Variants in FAM178B observed in about 807,000 individuals in gnomAD.
FAM178B encodes the protein family with sequence similarity 178 member B, also known as protein FAM178B.
In FAM178B, 82 loss-of-function variants were observed where a neutral mutation model predicts 91.7. That is an observed-to-expected ratio of 0.89 (90% confidence interval 0.75 to 1.07). The LOEUF (loss-of-function observed/expected upper bound fraction) is 1.07, where lower values mean the gene tolerates loss of function less well. Ranked by LOEUF, FAM178B falls within the 50% of genes least tolerant of loss-of-function variation. The pLI is 0.00. For missense variants in FAM178B, 769 were observed against 846.7 expected, an observed-to-expected ratio of 0.91 and a Z score of 1.14; for synonymous variants, 368 against 359.4, an observed-to-expected ratio of 1.02 and a Z score of -0.27.
chr2:96,903,294 C>A (rs1370123675), intron 12 of FAM178B, among the ~76,000 whole-genome samples: 1 of 152,244 alleles, frequency 6.6e-6, no homozygotes, highest in Non-Finnish European at 1.5e-5. Flanking sequence ...TCGCTTCAGC[C>A]TCCCAAAGTG....
chr2:96,941,591 C>T (rs1050026999), intron 8 of FAM178B, among the ~76,000 whole-genome samples: 1 of 152,180 alleles, frequency 6.6e-6, no homozygotes, highest in Non-Finnish European at 1.5e-5. Flanking sequence ...TGCTCAAGAA[C>T]GTGAAATGAA....
intron 6 of FAM178B, among the ~76,000 whole-genome samples, chr2:96,955,612 A>G (rs1179974616): frequency 2.0e-5 from 3 of 152,178 alleles, no homozygotes; most frequent in Non-Finnish European, 4.4e-5. Flanking sequence ...CCTGGGAGGC[A>G]GAGGTTGCAG....
chr2:96,890,283 A>G (rs184767101), intron 14 of FAM178B, among the ~76,000 whole-genome samples: 5 of 151,650 alleles, frequency 3.3e-5, no homozygotes, highest in African/African-American at 9.7e-5. Flanking sequence ...CGTCTCAATC[A>G]ATCAATCAAT....
At chr2:96,947,952 C>T (rs1237744804) in intron 7 of FAM178B, 50 bp from the exon 8 acceptor site, 19 of 974,440 alleles carry the variant, frequency 1.9e-5, no homozygotes, top group Non-Finnish European at 3.0e-5. Flanking sequence ...CTGGGTCATT[C>T]CTAAGAAGCA....
chr2:96,910,410 CCAATATT>C lies in FAM178B; in HGVS notation c.1563-7710_1563-7704del. Among the ~76,000 whole-genome samples the C allele has an allele frequency of 2.0e-5, 3 of 152,310 alleles. 1 individual carries two copies. In the Middle Eastern group the frequency reaches 0.01, roughly 518 times the overall value. ...CTTAGGCTTTAACCCCCTTCGACGA[CCAATATT>C]TGATTCCAAATGAAAAACTGTTCTC... On this transcript the variant is annotated intron_variant, in intron 12 of 16. Transcript: ENST00000490605.
intron 6 of FAM178B, 153 bp from the exon 7 acceptor site, chr2:96,951,637 C>A: frequency 1.6e-6 from 1 of 624,868 alleles, no homozygotes; most frequent in South Asian, 1.8e-5. Context: ...GCCCTCAGTG[C>A]ATGATCTGTC....
At chr2:96,949,129 C>G (rs2081881745) in intron 7 of FAM178B, among the ~76,000 whole-genome samples, 1 of 152,200 alleles carries the variant, frequency 6.6e-6, no homozygotes, top group Non-Finnish European at 1.5e-5. Context: ...AAGGCTGGCC[C>G]ACACGAGGGC....
chr2:96,983,819 G>A (rs79644073), intron 1 of FAM178B, among the ~76,000 whole-genome samples: 3,039 of 152,288 alleles, frequency 0.02, 50 homozygotes, highest in Non-Finnish European at 0.033. Flanking sequence ...GTTGTTGCAT[G>A]CTATATGCCT....
chr2:96,961,381 A>C (rs1226666524), intron 5 of FAM178B, among the ~76,000 whole-genome samples: 1 of 152,058 alleles, frequency 6.6e-6, no homozygotes, highest in Non-Finnish European at 1.5e-5. Flanking sequence ...GGACACAGAC[A>C]TGCTCAGACA....
At chr2:96,937,821 T>A (rs1237969847) in intron 8 of FAM178B, among the ~76,000 whole-genome samples, 1 of 152,138 alleles carries the variant, frequency 6.6e-6, no homozygotes, top group Non-Finnish European at 1.5e-5. Context: ...AGCCCAGGTG[T>A]TCGAGACCAG....
At chr2:96,900,905 C>G (rs537515925) in intron 13 of FAM178B, among the ~76,000 whole-genome samples, 1 of 152,200 alleles carries the variant, frequency 6.6e-6, no homozygotes, top group Admixed American at 6.5e-5. Flanking sequence ...GGTTATGCTG[C>G]CTCAGTGGCT....
At chr2:96,898,895 G>A (rs1215265923) in intron 13 of FAM178B, among the ~76,000 whole-genome samples, 1 of 152,250 alleles carries the variant, frequency 6.6e-6, no homozygotes, top group Non-Finnish European at 1.5e-5. Flanking sequence ...GCAGAGGGCA[G>A]GCAGGGCCTG....
intron 14 of FAM178B, among the ~76,000 whole-genome samples, chr2:96,891,649 T>G (rs749157877): frequency 5.3e-5 from 8 of 152,196 alleles, no homozygotes; most frequent in Non-Finnish European, 1.2e-4. Flanking sequence ...GAGAAAGTTG[T>G]GCCCTGGACA....
chr2:96,942,891 A>T (rs1426794656), intron 8 of FAM178B, among the ~76,000 whole-genome samples: 1 of 152,224 alleles, frequency 6.6e-6, no homozygotes, highest in Non-Finnish European at 1.5e-5. Flanking sequence ...ACAGAATTCA[A>T]TAGGGAAAGA....
At chr2:96,895,074 A>G (rs1216967737) in intron 13 of FAM178B, 1 of 1,289,026 alleles carries the variant, frequency 7.8e-7, no homozygotes, top group East Asian at 5.6e-5. Flanking sequence ...GAGCAAGACC[A>G]CCATCATCTT....
chr2:96,975,094 CAAAA>C (rs34807786), intron 1 of FAM178B, among the ~76,000 whole-genome samples: 1 of 56,270 alleles, frequency 1.8e-5, no homozygotes, highest in Non-Finnish European at 2.7e-5. Context: ...GACTCTGTCT[CAAAA>C]AAAAAAAAAA....
At position 96,960,296 on chromosome 2, in the gene FAM178B, C is replaced by T. The variant is rs967977848; in HGVS notation, c.879G>A (p.Leu293=). The change falls in exon 6 of 17, where the codon CTG becomes CTA. Residue 293 remains leucine, a synonymous_variant. Coordinates refer to ENST00000490605, the MANE Select transcript of FAM178B (RefSeq NM_001122646.3). ...CTCCTCCCCACACTTACCTGAGGAA[C>T]AGCCCTTCCAGGTGGCTGCGTGGCT... The part of the protein sequence containing the change: ...LLKPRSHLEG[L]FLSSPPAQQL... 35 of 1,551,606 alleles carry T rather than the reference C, an allele frequency of 2.3e-5. No individual in the cohort carries two copies. Among genetic ancestry groups the T allele is most frequent in the Non-Finnish European group, 2.9e-5 (33 of 1,146,998 alleles).
intron 5 of FAM178B, 60 bp downstream of exon 5, chr2:96,967,460 A>G (rs1469471599): frequency 9.4e-7 from 1 of 1,059,712 alleles, no homozygotes; most frequent in African/African-American, 1.6e-5. Context: ...CCAAAACCAG[A>G]GGGGGTTGGC....
intron 13 of FAM178B, chr2:96,898,070 T>C (rs927309208): frequency 8.1e-6 from 8 of 985,510 alleles, no homozygotes; most frequent in Admixed American, 6.2e-5. Context: ...GCCCTGCAAA[T>C]TGCTGTGCCC....
Sources: allele counts gnomAD v4.1 joint callset (sites outside exome capture counted in the v4.1 genomes callset), GRCh38; gene constraint gnomAD v4.1.1; transcripts MANE v1.5; gene names NCBI Gene and HGNC (gene_info 2026-07-23, HGNC 2026-07-21).